Variants in PTPRK observed in about 807,000 individuals in gnomAD.
PTPRK encodes protein tyrosine phosphatase receptor type K.
A neutral mutation model predicts 178.0 loss-of-function variants in PTPRK; 75 were observed. That is an observed-to-expected ratio of 0.42 (90% CI 0.35 to 0.51). PTPRK has a LOEUF of 0.51. Among genes scored for constraint, PTPRK ranks in the 20% least tolerant of loss-of-function variants. The probability of loss-of-function intolerance (pLI) is 0.02; values close to 1 mark genes in which losing one functional copy is unlikely to be tolerated. For missense variants in PTPRK, 1,441 were observed against 1,797.8 expected (o/e 0.80, Z 3.59); for synonymous variants, 637 against 620.6 (o/e 1.03, Z -0.39).
intron 7 of PTPRK, among the ~76,000 whole-genome samples, chr6:128,144,414 G>C (rs79940251): frequency 3.5e-4 from 53 of 152,244 alleles, no homozygotes; most frequent in Admixed American, 1.3e-3. Context: ...TTGCCCTACT[G>C]CATCAAATAT....
At chr6:128,237,097 T>C (rs762168978) in intron 5 of PTPRK, among the ~76,000 whole-genome samples, 22 of 152,238 alleles carry the variant, frequency 1.4e-4, no homozygotes, top group Non-Finnish European at 1.8e-4. Context: ...ATATCAAATA[T>C]GATCAAGCAT....
At chr6:128,435,296 T>C (rs1195642947) in intron 1 of PTPRK, among the ~76,000 whole-genome samples, 2 of 152,238 alleles carry the variant, frequency 1.3e-5, no homozygotes, top group African/African-American at 4.8e-5. Flanking sequence ...TTTCAAACTT[T>C]ATAATTTTCA....
At chr6:128,448,867 T>A (rs376320014) in intron 1 of PTPRK, among the ~76,000 whole-genome samples, 6 of 152,170 alleles carry the variant, frequency 3.9e-5, no homozygotes, top group African/African-American at 1.4e-4. Context: ...TGTTTTTGTT[T>A]TTGTTTTTTT....
intron 5 of PTPRK, among the ~76,000 whole-genome samples, chr6:128,225,238 C>T (rs899477147): frequency 5.9e-5 from 9 of 152,054 alleles, no homozygotes; most frequent in African/African-American, 2.2e-4. Flanking sequence ...ATATCATTGA[C>T]TATCATATGT....
intron 2 of PTPRK, among the ~76,000 whole-genome samples, chr6:128,362,092 G>A (rs1390765621): frequency 6.6e-6 from 1 of 152,064 alleles, no homozygotes; most frequent in African/African-American, 2.4e-5. Flanking sequence ...AAAGAAAAGG[G>A]GTTTAACTGG....
chr6:128,508,491 C>A (rs1006758624), intron 1 of PTPRK, among the ~76,000 whole-genome samples: 3 of 152,148 alleles, frequency 2.0e-5, no homozygotes, highest in African/African-American at 7.2e-5. Context: ...TATATAAGTA[C>A]TTAAAACACA....
intron 7 of PTPRK, among the ~76,000 whole-genome samples, chr6:128,108,638 T>C (rs995282047): frequency 1.3e-5 from 2 of 152,174 alleles, no homozygotes; most frequent in African/African-American, 4.8e-5. Context: ...AGAGTTTACA[T>C]TTAAAAATCT....
intron 6 of PTPRK, among the ~76,000 whole-genome samples, chr6:128,188,200 T>C (rs1456157961): frequency 6.6e-6 from 1 of 152,186 alleles, no homozygotes; most frequent in East Asian, 1.9e-4. Context: ...ATTCTAGAAC[T>C]GAACCTATTA....
At chr6:128,031,926 C>CA (rs775217722) in intron 13 of PTPRK, among the ~76,000 whole-genome samples, 6 of 152,156 alleles carry the variant, frequency 3.9e-5, no homozygotes, top group Non-Finnish European at 7.3e-5. Context: ...CCTGCACCCT[C>CA]ACCCTGTGTC....
chr6:128,376,373 G>A (rs945505669), intron 2 of PTPRK, among the ~76,000 whole-genome samples: 1 of 152,142 alleles, frequency 6.6e-6, no homozygotes. Flanking sequence ...TTTCCACCCT[G>A]TAAGGCAACA....
At chr6:128,304,516 C>T (rs1456619734) in intron 3 of PTPRK, among the ~76,000 whole-genome samples, 1 of 152,088 alleles carries the variant, frequency 6.6e-6, no homozygotes, top group Admixed American at 6.6e-5. Context: ...TGGAAAGGCT[C>T]ACTAAGAACC....
chr6:128,210,955 A>G (rs1431011675), intron 6 of PTPRK, among the ~76,000 whole-genome samples: 1 of 152,150 alleles, frequency 6.6e-6, no homozygotes. Context: ...ATCAAGCAAC[A>G]ATAAAGAAAA....
intron 1 of PTPRK, among the ~76,000 whole-genome samples, chr6:128,416,255 A>C (rs538199601): frequency 6.6e-6 from 1 of 152,170 alleles, no homozygotes; most frequent in East Asian, 1.9e-4. Flanking sequence ...CCACACACAC[A>C]AAAAAAGTAC....
intron 7 of PTPRK, among the ~76,000 whole-genome samples, chr6:128,097,422 A>T (rs1788095977): frequency 6.6e-6 from 1 of 152,194 alleles, no homozygotes. Flanking sequence ...TAACACTTGG[A>T]TCCTCTCTGC....
At chr6:128,397,474 C>A (rs547708796) in intron 2 of PTPRK, 92 bp downstream of exon 2, 2 of 1,466,668 alleles carry the variant, frequency 1.4e-6, no homozygotes, top group Admixed American at 1.8e-5. Context: ...CTTATTATAA[C>A]CATTAAATTA....
intron 10 of PTPRK, among the ~76,000 whole-genome samples, chr6:128,079,572 A>G (rs542515898): frequency 3.3e-5 from 5 of 152,138 alleles, no homozygotes; most frequent in South Asian, 4.1e-4. Context: ...AGGGGGAAAA[A>G]GAGTTACCTC....
At position 128,509,488 on chromosome 6, in the gene PTPRK, T is replaced by A. The variant is rs150249528; in HGVS notation, c.100+10771A>T. ...CATTTATTTATTGTTTTCATTTCCCTTCTTCAGCATACACACTTTTTGTGC... is the reference window on the plus strand; with the variant it reads ...CATTTATTTATTGTTTTCATTTCCCATCTTCAGCATACACACTTTTTGTGC... On this transcript the variant is annotated intron_variant, in intron 1 of 29. Coordinates refer to ENST00000368226, the MANE Select transcript of PTPRK (RefSeq NM_002844.4). 1.5e-4 allele frequency among the ~76,000 whole-genome samples: 23 copies of A among 152,288 alleles called. No individual in the cohort carries two copies. In the East Asian group the frequency reaches 4.2e-3, roughly 28 times the overall value.
chr6:128,417,258 C>A (rs1461371891), intron 1 of PTPRK, among the ~76,000 whole-genome samples: 5 of 151,860 alleles, frequency 3.3e-5, no homozygotes, highest in Non-Finnish European at 5.9e-5. Flanking sequence ...AATAAGAGAG[C>A]CAAGAAGTTA....
intron 5 of PTPRK, among the ~76,000 whole-genome samples, chr6:128,228,067 T>G (rs79400153): frequency 6.7e-6 from 1 of 150,260 alleles, no homozygotes; most frequent in Admixed American, 6.6e-5. Context: ...TGTATACCTA[T>G]GTAACAAACC....
Sources: allele counts gnomAD v4.1 joint callset (sites outside exome capture counted in the v4.1 genomes callset), GRCh38; gene constraint gnomAD v4.1.1; transcripts MANE v1.5; gene names NCBI Gene and HGNC (gene_info 2026-07-23, HGNC 2026-07-21).